The following SCFD2 variants were observed in gnomAD, a reference collection of about 807,000 sequenced individuals.
SCFD2 encodes the protein sec1 family domain containing 2, also known as sec1 family domain-containing protein 2.
SCFD2 carries 54 observed loss-of-function variants against 58.9 expected under a neutral mutation model. That is an observed-to-expected ratio of 0.92 (90% CI 0.74 to 1.15). The LOEUF (loss-of-function observed/expected upper bound fraction) is 1.15, where lower values mean the gene tolerates loss of function less well. SCFD2 is among the 50% of genes most tolerant of loss of function. SCFD2 has a pLI of 0.00. For missense variants in SCFD2, 805 were observed against 836.6 expected, an observed-to-expected ratio of 0.96 and a Z score of 0.47; for synonymous variants, 321 against 335.9, an observed-to-expected ratio of 0.96 and a Z score of 0.49.
intron 2 of SCFD2, among the ~76,000 whole-genome samples, chr4:53,314,534 T>A (rs1316015295): frequency 6.6e-6 from 1 of 152,214 alleles, no homozygotes; most frequent in Non-Finnish European, 1.5e-5. Context: ...TGTAGTAACG[T>A]TTTAAAAACT....
chr4:53,342,711 A>G (rs1471597038), intron 2 of SCFD2, among the ~76,000 whole-genome samples: 2 of 152,206 alleles, frequency 1.3e-5, no homozygotes, highest in African/African-American at 4.8e-5. Flanking sequence ...GTTGGAAGTA[A>G]AGCACTCCTC....
chr4:53,299,679 G>A (rs1437574472), intron 3 of SCFD2, among the ~76,000 whole-genome samples: 1 of 152,146 alleles, frequency 6.6e-6, no homozygotes, highest in African/African-American at 2.4e-5. Context: ...AGGAAAAAAT[G>A]TTCAGGGCAG....
At chr4:53,216,757 C>T (rs887039413) in intron 4 of SCFD2, among the ~76,000 whole-genome samples, 17 of 152,182 alleles carry the variant, frequency 1.1e-4, no homozygotes, top group Non-Finnish European at 2.5e-4. Flanking sequence ...AATTTTAGAT[C>T]TTTCCTGCTT....
chr4:53,025,095 G>A (rs1577667740), intron 5 of SCFD2, among the ~76,000 whole-genome samples: 2 of 151,960 alleles, frequency 1.3e-5, no homozygotes, highest in African/African-American at 2.4e-5. Context: ...CTATAGTTAC[G>A]AAAAAAAGGA....
At chr4:52,881,344 G>C (rs1273927536) in intron 8 of SCFD2, among the ~76,000 whole-genome samples, 1 of 152,224 alleles carries the variant, frequency 6.6e-6, no homozygotes, top group Non-Finnish European at 1.5e-5. Flanking sequence ...GGGAGTCTGT[G>C]CTATCTAAAG....
rs376070565 is a variant in SCFD2 at position 53,254,903 on chromosome 4, C to T, written c.1311+18923G>A. ...TATTTTATTTTTTGAGATGGAGTCTCGCTCTGTCACCCAGGCTGGAGTGCA... is the reference window on the plus strand; with the variant it reads ...TATTTTATTTTTTGAGATGGAGTCTTGCTCTGTCACCCAGGCTGGAGTGCA... On this transcript the variant is annotated intron_variant, in intron 4 of 8. Transcript: ENST00000401642. Among the ~76,000 whole-genome samples the T allele has an allele frequency of 6.8e-5, 10 of 146,112 alleles. No homozygotes were observed. The South Asian group carries it at 1.3e-3, about 19-fold the overall frequency.
chr4:53,060,813 A>T (rs1723488712), intron 5 of SCFD2, among the ~76,000 whole-genome samples: 1 of 152,176 alleles, frequency 6.6e-6, no homozygotes, highest in Non-Finnish European at 1.5e-5. Context: ...TTTCTAATAG[A>T]TAAACAGCAA....
rs1010101828 is a variant in SCFD2 at position 53,366,016 on chromosome 4, C to A, written c.-75G>T. Reference sequence around the variant, plus strand: ...GAACTCACCGCTTCCGGAAATTGGGCTCCGGGAGACTTTGACAGTCTCCAC... The same window carrying A: ...GAACTCACCGCTTCCGGAAATTGGGATCCGGGAGACTTTGACAGTCTCCAC... On this transcript the variant is annotated 5_prime_UTR_variant, in exon 1 of 9. Transcript: ENST00000401642. The A allele has an allele frequency of 4.0e-5, 60 of 1,488,012 alleles. No individual in the cohort carries two copies. The highest frequency in any genetic ancestry group is 5.3e-5 in the Non-Finnish European group (59 of 1,122,074). The allele number at this position is 1,488,012 out of a possible 1,614,324, so 92.2% of individuals were successfully genotyped here.
chr4:52,928,949 G>A (rs965354947), intron 5 of SCFD2, among the ~76,000 whole-genome samples: 3 of 152,146 alleles, frequency 2.0e-5, no homozygotes, highest in Admixed American at 6.6e-5. Flanking sequence ...TTTCTTGAGC[G>A]GCTGATAAAC....
At chr4:53,101,605 A>G (rs1724834230) in intron 5 of SCFD2, among the ~76,000 whole-genome samples, 1 of 152,198 alleles carries the variant, frequency 6.6e-6, no homozygotes, top group African/African-American at 2.4e-5. Flanking sequence ...GGGTGACTTA[A>G]AAGATATAAT....
chr4:53,254,991 G>T (rs1730552595), intron 4 of SCFD2, among the ~76,000 whole-genome samples: 2 of 150,348 alleles, frequency 1.3e-5, no homozygotes, highest in Non-Finnish European at 3.0e-5. Flanking sequence ...TCCTGCCTCA[G>T]CCTCCCCAGC....
chr4:53,330,117 G>C (rs1379706342), intron 2 of SCFD2, among the ~76,000 whole-genome samples: 1 of 152,172 alleles, frequency 6.6e-6, no homozygotes, highest in Non-Finnish European at 1.5e-5. Flanking sequence ...ATCTACGTCT[G>C]ATTGCTGTAC....
intron 5 of SCFD2, among the ~76,000 whole-genome samples, chr4:53,142,152 A>C (rs1387348443): frequency 6.6e-6 from 1 of 152,230 alleles, no homozygotes; most frequent in African/African-American, 2.4e-5. Flanking sequence ...TAAAGACAAT[A>C]ACAAGAAAAT....
At chr4:53,213,569 C>G (rs1035383302) in intron 4 of SCFD2, among the ~76,000 whole-genome samples, 2 of 152,044 alleles carry the variant, frequency 1.3e-5, no homozygotes, top group African/African-American at 4.8e-5. Context: ...GATGTGCAGG[C>G]AAATACAGGA....
intron 2 of SCFD2, among the ~76,000 whole-genome samples, chr4:53,327,935 C>A (rs1383133662): frequency 1.3e-5 from 2 of 151,914 alleles, no homozygotes; most frequent in Non-Finnish European, 2.9e-5. Context: ...TCGAGACAAT[C>A]CTGGCTAACA....
chr4:53,222,495 T>G lies in SCFD2; in HGVS notation c.1311+51331A>C, dbSNP rs148251277. 8.6e-3 allele frequency among the ~76,000 whole-genome samples: 1,304 copies of G among 152,370 alleles called. 17 individuals are homozygous for G. The highest frequency in any genetic ancestry group is 0.03 in the African/African-American group (1,228 of 41,582). On this transcript the variant is annotated intron_variant, in intron 4 of 8. Coordinates refer to ENST00000401642, the MANE Select transcript of SCFD2 (RefSeq NM_152540.4). Reference sequence around the variant, plus strand: ...TGATAAATATTTGCTAATAATATCCTGAACTTACTTTTTATTTGAAATTTT... The same window carrying G: ...TGATAAATATTTGCTAATAATATCCGGAACTTACTTTTTATTTGAAATTTT...
intron 5 of SCFD2, among the ~76,000 whole-genome samples, chr4:53,057,648 C>T (rs1723384830): frequency 1.3e-5 from 2 of 151,990 alleles, no homozygotes. Context: ...CCTGTACATT[C>T]TGCACATGTA....
chr4:53,326,807 T>G (rs1395014616), intron 2 of SCFD2, among the ~76,000 whole-genome samples: 1 of 152,132 alleles, frequency 6.6e-6, no homozygotes, highest in Non-Finnish European at 1.5e-5. Context: ...TTTTCATAGG[T>G]CCACAGGTGA....
At chr4:53,007,903 A>G (rs1199986519) in intron 5 of SCFD2, among the ~76,000 whole-genome samples, 1 of 152,190 alleles carries the variant, frequency 6.6e-6, no homozygotes, top group East Asian at 1.9e-4. Flanking sequence ...TCTCAAGAAG[A>G]GCTTCATGCT....
Sources: allele counts gnomAD v4.1 joint callset (sites outside exome capture counted in the v4.1 genomes callset), GRCh38; gene constraint gnomAD v4.1.1; transcripts MANE v1.5; gene names NCBI Gene and HGNC (gene_info 2026-07-23, HGNC 2026-07-21).